CFAP43: variants seen among roughly 807,000 people sequenced by gnomAD.
CFAP43 encodes the protein cilia- and flagella-associated protein 43.
In CFAP43, 155 loss-of-function variants were observed where a neutral mutation model predicts 218.9. The ratio of observed to expected loss-of-function variants is 0.71; its 90% CI spans 0.62 to 0.81. CFAP43 has a LOEUF of 0.81. Among genes scored for constraint, CFAP43 ranks in the 30% least tolerant of loss-of-function variants. CFAP43 has a pLI of 0.00. For missense variants in CFAP43, 1,778 were observed against 1,954.3 expected, an observed-to-expected ratio of 0.91 and a Z score of 1.70; for synonymous variants, 645 against 681.3, an observed-to-expected ratio of 0.95 and a Z score of 0.83.
At chr10:104,180,909 C>A (rs2089817673) in intron 17 of CFAP43, among the ~76,000 whole-genome samples, 1 of 152,126 alleles carries the variant, frequency 6.6e-6, no homozygotes, top group Admixed American at 6.5e-5. Flanking sequence ...GTTGCTCTGT[C>A]CTGGTCCTCT....
In CFAP43 at chr10:104,164,116, G is replaced by A. The variant is rs146455280; in HGVS notation, c.3224C>T (p.Thr1075Met). 12 of 1,614,146 alleles carry A rather than the reference G, an allele frequency of 7.4e-6. No homozygotes were observed. The highest frequency in any genetic ancestry group is 3.3e-5 in the Admixed American group (2 of 60,026). ...EFEDCEKPER[T>M]LVVQDEEITA... Reference sequence around the variant, plus strand: ...TACCTCCTCATCTTGCACAACAAGCGTTCTCTCTGGCTTCTCACAGTCTTC... The same window carrying A: ...TACCTCCTCATCTTGCACAACAAGCATTCTCTCTGGCTTCTCACAGTCTTC... The change falls in exon 24 of 38, where the codon ACG becomes ATG. Residue 1075 changes from threonine to methionine, a missense_variant. This residue lies in a region of CFAP43 where 1,553 missense variants were observed against 1,685.2 expected (regional missense o/e 0.92). Coordinates refer to ENST00000357060, the MANE Select transcript of CFAP43 (RefSeq NM_025145.7).
At chr10:104,131,869 T>C (rs117959394) in intron 36 of CFAP43, among the ~76,000 whole-genome samples, 213 of 152,230 alleles carry the variant, frequency 1.4e-3, no homozygotes, top group Non-Finnish European at 1.9e-3. Context: ...TAATGTAAAA[T>C]AGAAAATCCA....
chr10:104,155,331 T>C (rs2088484669), intron 27 of CFAP43, among the ~76,000 whole-genome samples: 1 of 152,064 alleles, frequency 6.6e-6, no homozygotes, highest in Admixed American at 6.6e-5. Context: ...TCAGGAGCAC[T>C]CATAGCAGTG....
At chr10:104,143,942 A>G (rs1589630049) in intron 31 of CFAP43, among the ~76,000 whole-genome samples, 1 of 152,178 alleles carries the variant, frequency 6.6e-6, no homozygotes, top group African/African-American at 2.4e-5. Flanking sequence ...AGGCAAATAA[A>G]TCAACCCATC....
chr10:104,221,175 A>G (rs574976399), intron 3 of CFAP43, among the ~76,000 whole-genome samples: 24 of 152,232 alleles, frequency 1.6e-4, no homozygotes, highest in African/African-American at 5.8e-4. Flanking sequence ...GGGTTTCACC[A>G]TGTTGGCCAG....
intron 27 of CFAP43, among the ~76,000 whole-genome samples, chr10:104,155,940 A>T (rs891370579): frequency 2.3e-4 from 35 of 152,056 alleles, no homozygotes; most frequent in African/African-American, 8.2e-4. Flanking sequence ...GGGCAGAGGA[A>T]CTAAGGCAAT....
At chr10:104,148,972 A>G (rs2088115245) in intron 28 of CFAP43, among the ~76,000 whole-genome samples, 1 of 152,324 alleles carries the variant, frequency 6.6e-6, no homozygotes, top group Non-Finnish European at 1.5e-5. Context: ...TAACAAACCT[A>G]TACATGTACC....
At position 104,192,274 on chromosome 10, in the gene CFAP43, C is replaced by A; in HGVS notation, c.1471G>T (p.Val491Phe). ...VYDQQGIFLL[V>F]GTAEGKVFII... is the part of the protein sequence containing the mutation. ...AAGACTTTTCCTTCTGCTGTTCCAA[C>A]TAACAGAAATATTCCTTGCTGATCA... Residue 491 changes from valine to phenylalanine, a missense_variant, in exon 12 of 38, where the codon GTT becomes TTT. Around this residue, in one of 3 missense-constraint regions of CFAP43, gnomAD observed 1,553 missense variants for 1,685.2 expected, o/e 0.92. Coordinates refer to ENST00000357060, the MANE Select transcript of CFAP43 (RefSeq NM_025145.7). 6.2e-7 allele frequency: 1 copy of A among 1,612,682 alleles called. No individual in the cohort carries two copies. The highest frequency in any genetic ancestry group is 8.5e-7 in the Non-Finnish European group (1 of 1,179,484).
At chr10:104,142,183 T>G (rs572287910) in intron 33 of CFAP43, 98 bp downstream of exon 33, 73 of 954,816 alleles carry the variant, frequency 7.6e-5, no homozygotes, top group Non-Finnish European at 6.8e-5. Context: ...GAGATGGCTG[T>G]AAAGCAGTCA....
intron 3 of CFAP43, among the ~76,000 whole-genome samples, chr10:104,215,859 C>A (rs929770981): frequency 1.3e-5 from 2 of 152,138 alleles, no homozygotes; most frequent in African/African-American, 4.8e-5. Context: ...CTCTCCGCCT[C>A]CTCTCCCCTT....
Position 104,230,755 on chromosome 10 carries a change from TAATA to T in CFAP43, c.150_153del (p.Phe50LeufsTer37). On this transcript the variant is annotated frameshift_variant, in exon 2 of 38. Coordinates refer to ENST00000357060, the MANE Select transcript of CFAP43 (RefSeq NM_025145.7). LOFTEE classifies it high-confidence loss of function. ...ACAGTCTTTTTCTTGGTTTCAATATTAATAAATATTACATAATTCCCACAAGGGT... is the reference window on the plus strand; with the variant it reads ...ACAGTCTTTTTCTTGGTTTCAATATTAATATTACATAATTCCCACAAGGGT... 1.2e-6 allele frequency: 2 copies of T among 1,614,022 alleles called. No homozygotes were observed. The highest frequency in any genetic ancestry group is 1.7e-6 in the Non-Finnish European group (2 of 1,179,930).
rs771835202 is a variant in CFAP43, at chr10:104,152,587, T to A, written c.3660+20A>T. On this transcript the variant is annotated intron_variant, in intron 28 of 37. Transcript: ENST00000357060. ...CCCTGCAAGCTCCTTAAAAGTCACATAAGTAAAGCTTTTATTTACCTGGTT... is the reference window on the plus strand; with the variant it reads ...CCCTGCAAGCTCCTTAAAAGTCACAAAAGTAAAGCTTTTATTTACCTGGTT... 22 of 1,611,974 alleles carry A rather than the reference T, an allele frequency of 1.4e-5. No individual in the cohort carries two copies. In the Admixed American group the frequency reaches 3.7e-4, roughly 27 times the overall value.
rs749672138 is a variant in CFAP43 at position 104,182,439 on chromosome 10, A to G, written c.2216T>C (p.Met739Thr). 1 of 1,612,850 alleles carries G rather than the reference A, an allele frequency of 6.2e-7. No individual in the cohort carries two copies. Among genetic ancestry groups the G allele is most frequent in the Non-Finnish European group, 8.5e-7 (1 of 1,179,606 alleles). ...GCTTAAATAATGATTCTCCTTGTCC[A>G]TGGCGCTGCTCAGGGAAATTAATAG... is the stretch of plus-strand genomic sequence containing the variant. ...QKLLISLSSAMDKENHYLSTT... is the reference protein window; with the variant it reads ...QKLLISLSSATDKENHYLSTT... Residue 739 changes from methionine to threonine, a missense_variant, in exon 17 of 38, where the codon ATG becomes ACG. Met to Thr is a moderately conservative substitution (Grantham distance 81). Coordinates refer to ENST00000357060, the MANE Select transcript of CFAP43 (RefSeq NM_025145.7).
chr10:104,227,923 T>A (rs777968619), intron 2 of CFAP43, among the ~76,000 whole-genome samples: 1 of 140,240 alleles, frequency 7.1e-6, no homozygotes, highest in Non-Finnish European at 1.5e-5. Context: ...CTCGGCTCGC[T>A]GCAACCTCCG....
chr10:104,214,843 A>T (rs924315525), intron 3 of CFAP43, among the ~76,000 whole-genome samples: 4 of 152,136 alleles, frequency 2.6e-5, no homozygotes, highest in Non-Finnish European at 4.4e-5. Context: ...TTGAGTTTTT[A>T]AAATTAAAGT....
At position 104,168,294 on chromosome 10, in the gene CFAP43, TG is replaced by T. The variant is rs1157732727; in HGVS notation, c.2691+449del. The stretch of plus-strand genomic sequence containing the variant: ...ATGCTGATAATAGTTACTCTGGGAT[TG>T]CAGACAAGACCTGAGACTTTTGGTC... On this transcript the variant is annotated intron_variant, in intron 21 of 37. Coordinates refer to ENST00000357060, the MANE Select transcript of CFAP43 (RefSeq NM_025145.7). Among the ~76,000 whole-genome samples, 4 of 152,298 alleles carry T rather than the reference TG, an allele frequency of 2.6e-5. No homozygotes were observed. In the East Asian group the frequency reaches 7.7e-4, roughly 29 times the overall value.
chr10:104,222,230 A>G (rs2091200920), intron 3 of CFAP43, among the ~76,000 whole-genome samples: 1 of 152,158 alleles, frequency 6.6e-6, no homozygotes, highest in Non-Finnish European at 1.5e-5. Flanking sequence ...TCCACGGACT[A>G]ACTGCTGTCA....
At chr10:104,153,692 C>G (rs2088389046) in intron 27 of CFAP43, among the ~76,000 whole-genome samples, 1 of 152,076 alleles carries the variant, frequency 6.6e-6, no homozygotes, top group Non-Finnish European at 1.5e-5. Flanking sequence ...AAGAATAGTA[C>G]AAAGAATTTC....
rs2087304514 is a variant in CFAP43 at position 104,133,681 on chromosome 10, TC to T, written c.4534del (p.Glu1512LysfsTer3). The stretch of plus-strand genomic sequence containing the variant: ...ATCCCAAGCCTTCTGATTTAGATCT[TC>T]CCTTTCCATCTCCATTTTCTTATGT... ...WEHKKMEMER[E>X]DLNQKAWDIQ... On this transcript the variant is annotated frameshift_variant, in exon 35 of 38. Transcript: ENST00000357060. LOFTEE classifies it high-confidence loss of function. 1 of 1,613,732 alleles carries T rather than the reference TC, an allele frequency of 6.2e-7. No homozygotes were observed. The highest frequency in any genetic ancestry group is 8.5e-7 in the Non-Finnish European group (1 of 1,179,886).
Sources: gnomAD v4.1 joint callset for allele counts (sites outside exome capture counted in the v4.1 genomes callset) on GRCh38, gnomAD v4.1.1 for gene constraint, gnomAD v4.1.1 regional missense constraint, MANE v1.5 for transcripts, NCBI Gene and HGNC (gene_info 2026-07-23, HGNC 2026-07-21) for gene names.